HOMER3: variants seen among roughly 807,000 people sequenced by gnomAD.
HOMER3 encodes the protein homer scaffold protein 3, also known as homer protein homolog 3.
In HOMER3, 34 loss-of-function variants were observed where a neutral mutation model predicts 45.5. That is an observed-to-expected ratio of 0.75 (90% CI 0.57 to 1.00). The LOEUF (loss-of-function observed/expected upper bound fraction) is 1.00. Among genes scored for constraint, HOMER3 ranks in the 50% least tolerant of loss-of-function variants. The pLI is 0.00. For synonymous variants in HOMER3, 223 were observed against 208.8 expected (o/e 1.07, Z -0.58); for missense variants, 480 against 497.5 (o/e 0.96, Z 0.33).
At position 18,938,713 on chromosome 19, in the gene HOMER3, AG is replaced by A; in HGVS notation, c.171+14del. 292 of 908,474 alleles carry A rather than the reference AG, an allele frequency of 3.2e-4. No individual in the cohort carries two copies. Among genetic ancestry groups the A allele is most frequent in the Non-Finnish European group, 4.5e-4 (272 of 599,796 alleles). 56.3% of individuals were successfully genotyped at this position (908,474 alleles called of 1,614,324 possible). On this transcript the variant is annotated intron_variant, in intron 3 of 9. Coordinates refer to ENST00000392351, the MANE Select transcript of HOMER3 (RefSeq NM_004838.4). ...GACTCCTGGTGCCTCTGCCCCACCCAGACCCCACCCTGACCTTGGCGCCTCC... is the reference window on the plus strand; with the variant it reads ...GACTCCTGGTGCCTCTGCCCCACCCAACCCCACCCTGACCTTGGCGCCTCC...
intron 4 of HOMER3, among the ~76,000 whole-genome samples, chr19:18,937,739 A>G (rs2057109397): frequency 2.6e-5 from 4 of 152,070 alleles, no homozygotes; most frequent in Admixed American, 2.6e-4. Flanking sequence ...ACCACGGATA[A>G]AGATAATAAT....
At chr19:18,931,219 G>A in intron 9 of HOMER3, 106 bp downstream of exon 9, 1 of 1,017,502 alleles carries the variant, frequency 9.8e-7, no homozygotes, top group Non-Finnish European at 1.5e-6. Context: ...GCCTTCCACA[G>A]GACTGGGCCT....
intron 9 of HOMER3, among the ~76,000 whole-genome samples, chr19:18,930,819 C>T (rs1200720727): frequency 1.3e-5 from 2 of 151,926 alleles, no homozygotes; most frequent in Admixed American, 1.3e-4. Flanking sequence ...CCAGCCTGGC[C>T]AACATGGTGA....
At chr19:18,939,519 C>T (rs1180360401) in intron 1 of HOMER3, 1 of 152,790 alleles carries the variant, frequency 6.5e-6, no homozygotes, top group African/African-American at 2.4e-5. Context: ...CAAGCAGACC[C>T]CATCTTTCTT....
At chr19:18,938,650 C>T (rs1216847702) in intron 3 of HOMER3, 78 bp downstream of exon 3, 10 of 1,525,512 alleles carry the variant, frequency 6.6e-6, no homozygotes, top group Non-Finnish European at 8.9e-6. Context: ...CCCTTGGGCA[C>T]ACAGCAAGCC....
chr19:18,931,625 C>T lies in HOMER3; in HGVS notation c.691G>A (p.Val231Met), dbSNP rs200520741. The change falls in exon 8 of 10, where the codon GTG becomes ATG. Residue 231 changes from valine (V) to methionine (M), a missense_variant and splice_region_variant. By Grantham distance (21) the Val-to-Met change is conservative. Coordinates refer to ENST00000392351, the MANE Select transcript of HOMER3 (RefSeq NM_004838.4). ...RAEAERLRQR[V>M]AELEAQAASE... ...GCTGCCTGAGCCTCCAGCTCAGCCA[C>T]CTGTAGGGCAGGAATAGCAGCCCCT... The T allele has an allele frequency of 6.2e-7, 1 of 1,600,984 alleles. No homozygotes were observed. Among genetic ancestry groups the T allele is most frequent in the East Asian group, 2.2e-5 (1 of 44,700 alleles).
chr19:18,931,944 T>C (rs1601274296), intron 7 of HOMER3, 32 bp downstream of exon 7: 2 of 1,495,402 alleles, frequency 1.3e-6, no homozygotes, highest in East Asian at 5.0e-5. Context: ...CCGGGCCAGG[T>C]GGGGGTCTCT....
intron 4 of HOMER3, among the ~76,000 whole-genome samples, chr19:18,936,864 C>T (rs537264507): frequency 3.2e-4 from 48 of 151,618 alleles, no homozygotes; most frequent in Admixed American, 9.9e-4. Flanking sequence ...TGGTGGCAGG[C>T]GCCTGTAGTC....
intron 7 of HOMER3, 69 bp downstream of exon 7, chr19:18,931,907 C>A (rs1601274090): frequency 6.9e-7 from 1 of 1,449,598 alleles, no homozygotes; most frequent in South Asian, 1.4e-5. Flanking sequence ...CAGATGGGAA[C>A]TGCCGAGGCG....
chr19:18,934,435 A>G (rs775290966), intron 4 of HOMER3, 25 bp from the exon 5 acceptor site: 2 of 1,462,094 alleles, frequency 1.4e-6, no homozygotes, highest in South Asian at 1.3e-5. Context: ...AGGAAAAGAC[A>G]GTAAAACCCC....
At chr19:18,929,749 G>T in intron 9 of HOMER3, 115 bp from the exon 10 acceptor site, 1 of 782,624 alleles carries the variant, frequency 1.3e-6, no homozygotes, top group Non-Finnish European at 1.9e-6. Flanking sequence ...ATCCTAGGGC[G>T]CCCAACACAC....
chr19:18,933,675 C>T (rs941203896), intron 5 of HOMER3, among the ~76,000 whole-genome samples: 6 of 152,032 alleles, frequency 3.9e-5, no homozygotes, highest in African/African-American at 9.7e-5. Context: ...AGGGACAGTT[C>T]GTTGTTCTGC....
intron 4 of HOMER3, among the ~76,000 whole-genome samples, chr19:18,938,133 G>A (rs989282846): frequency 2.6e-5 from 4 of 151,692 alleles, no homozygotes; most frequent in African/African-American, 4.9e-5. Flanking sequence ...CGGAGGTTGC[G>A]TGAGCCAAGA....
chr19:18,931,379 C>A lies in HOMER3; in HGVS notation c.840G>T (p.Gly280=), dbSNP rs771191479. 3.1e-6 allele frequency: 5 copies of A among 1,613,966 alleles called. No individual in the cohort carries two copies. The highest frequency in any genetic ancestry group is 2.7e-5 in the African/African-American group (2 of 75,060). ...EIQTLKSQTG[G]PREALEAAER... is the part of the protein sequence containing the mutation. ...CGGCAGCCTCCAGGGCCTCGCGGGGCCCCCCAGTCTGACTCTTCAGGGTCT... is the reference window on the plus strand; with the variant it reads ...CGGCAGCCTCCAGGGCCTCGCGGGGACCCCCAGTCTGACTCTTCAGGGTCT... Residue 280 remains glycine (G), a synonymous_variant, in exon 9 of 10, where the codon GGG becomes GGT. Transcript: ENST00000392351.
Position 18,938,465 on chromosome 19 carries a change from A to C in HOMER3, c.191T>G (p.Val64Gly). 1 of 1,613,996 alleles carries C rather than the reference A, an allele frequency of 6.2e-7. No homozygotes were observed. Among genetic ancestry groups the C allele is most frequent in the Non-Finnish European group, 8.5e-7 (1 of 1,179,830 alleles). ...GGAKAIINST[V>G]TPNMTFTKTS... is the part of the protein sequence containing the mutation. ...TTTGGTGAAGGTCATGTTGGGAGTGACAGTGCTGTTGATGATGGCCTAGGG... is the reference window on the plus strand; with the variant it reads ...TTTGGTGAAGGTCATGTTGGGAGTGCCAGTGCTGTTGATGATGGCCTAGGG... The change falls in exon 4 of 10, where the codon GTC becomes GGC. Residue 64 changes from valine (V) to glycine (G), a missense_variant. By Grantham distance (109) the Val-to-Gly change is moderately radical. Coordinates refer to ENST00000392351, the MANE Select transcript of HOMER3 (RefSeq NM_004838.4).
At position 18,929,219 on chromosome 19, in the gene HOMER3, A is replaced by T; in HGVS notation, c.*224T>A. The T allele has an allele frequency of 1.3e-6, 1 of 763,532 alleles. No homozygotes were observed. The highest frequency in any genetic ancestry group is 2.3e-4 in the Middle Eastern group (1 of 4,434). The allele number at this position is 763,532 out of a possible 1,614,324, so 47.3% of individuals were successfully genotyped here. On this transcript the variant is annotated 3_prime_UTR_variant, in exon 10 of 10. Coordinates refer to ENST00000392351, the MANE Select transcript of HOMER3 (RefSeq NM_004838.4). ...ACACACAGCCACGCTTAGAAATGTA[A>T]TCGGGGGATCTAGAAATTCTACACA...
At chr19:18,935,686 C>T in intron 4 of HOMER3, among the ~76,000 whole-genome samples, 1 of 152,102 alleles carries the variant, frequency 6.6e-6, no homozygotes, top group African/African-American at 2.4e-5. Context: ...TATGTTTCCC[C>T]CCACCACCCC....
chr19:18,932,873 T>TGCCC, intron 6 of HOMER3, 51 bp downstream of exon 6: 3 of 877,170 alleles, frequency 3.4e-6, no homozygotes, highest in Non-Finnish European at 4.8e-6. Flanking sequence ...CGCCTCCTCG[T>TGCCC]CCCCCACCCC....
chr19:18,935,005 C>A (rs188430538), intron 4 of HOMER3, among the ~76,000 whole-genome samples: 3 of 151,732 alleles, frequency 2.0e-5, no homozygotes, highest in African/African-American at 7.3e-5. Context: ...GCATGCCTGG[C>A]TAATTTTCAT....
Sources: gnomAD v4.1 joint callset for allele counts (sites outside exome capture counted in the v4.1 genomes callset) on GRCh38, gnomAD v4.1.1 for gene constraint, MANE v1.5 for transcripts, NCBI Gene and HGNC (gene_info 2026-07-23, HGNC 2026-07-21) for gene names.